Variants in C11orf65 observed in about 807,000 individuals in gnomAD.
C11orf65 encodes the protein chromosome 11 open reading frame 65, also known as protein MFI.
C11orf65 carries 38 observed loss-of-function variants against 35.3 expected under a neutral mutation model. The ratio of observed to expected loss-of-function variants is 1.08; its 90% confidence interval spans 0.83 to 1.41. The LOEUF (loss-of-function observed/expected upper bound fraction) is 1.41, where lower values mean the gene tolerates loss of function less well. Among genes scored for constraint, C11orf65 ranks in the 40% most tolerant of loss-of-function variants. The pLI is 0.00. For synonymous variants in C11orf65, 105 were observed against 114.4 expected, an observed-to-expected ratio of 0.92 and a Z score of 0.53; for missense variants, 370 against 367.1, an observed-to-expected ratio of 1.01 and a Z score of -0.06.
downstream of C11orf65, among the ~76,000 whole-genome samples, chr11:108,381,614 C>A (rs184079948): frequency 6.6e-6 from 1 of 152,074 alleles, no homozygotes. Context: ...TTTCTAATTT[C>A]TCTAATTTCT....
intron 6 of C11orf65, among the ~76,000 whole-genome samples, chr11:108,325,817 A>C (rs2085617717): frequency 6.6e-6 from 1 of 152,204 alleles, no homozygotes; most frequent in Non-Finnish European, 1.5e-5. Flanking sequence ...CAGTGATTTT[A>C]TATACTGTGT....
chr11:108,421,477 G>A (rs1244206640), intron 3 of C11orf65, among the ~76,000 whole-genome samples: 1 of 152,122 alleles, frequency 6.6e-6, no homozygotes, highest in African/African-American at 2.4e-5. Context: ...CCAACATGGT[G>A]AAACCCTGTC....
chr11:108,360,338 T>C (rs1349534887), intron 2 of C11orf65, among the ~76,000 whole-genome samples: 1 of 151,816 alleles, frequency 6.6e-6, no homozygotes, highest in Admixed American at 6.6e-5. Flanking sequence ...CAGGACCAGA[T>C]GGATTCACAG....
intron 2 of C11orf65, among the ~76,000 whole-genome samples, chr11:108,376,668 T>A (rs983217379): frequency 2.1e-4 from 32 of 151,846 alleles, no homozygotes; most frequent in Non-Finnish European, 3.5e-4. Flanking sequence ...AAAAAACCGT[T>A]CAAAAAATTA....
intron 2 of C11orf65, chr11:108,343,428 C>T: frequency 6.3e-7 from 1 of 1,590,598 alleles, no homozygotes; most frequent in Non-Finnish European, 8.6e-7. Flanking sequence ...CTTATTAAAG[C>T]TGACAGCTGT....
At position 108,316,079 on chromosome 11, in the gene C11orf65, TC is replaced by T; in HGVS notation, c.641-7009del. 6.2e-7 allele frequency: 1 copy of T among 1,614,100 alleles called. No individual in the cohort carries two copies. Among genetic ancestry groups the T allele is most frequent in the Non-Finnish European group, 8.5e-7 (1 of 1,180,002 alleles). On this transcript the variant is annotated intron_variant, in intron 6 of 6. Coordinates refer to the C11orf65 transcript ENST00000525729. ...GTAACATATGACCTCGAAACAGCAA[TC>T]CCCTCATCAACACGCCAGGCAGGAA... is the stretch of plus-strand genomic sequence containing the variant.
At chr11:108,329,407 T>C (rs746817871), downstream of C11orf65, 3 of 662,506 alleles carry the variant, frequency 4.5e-6, no homozygotes, top group African/African-American at 5.5e-5. Flanking sequence ...TCGGTTTTTG[T>C]TTTTTGTTTT....
rs551240118 is a variant in C11orf65 at position 108,389,178 on chromosome 11, T to C, written c.732-3203A>G. On this transcript the variant is annotated intron_variant, in intron 7 of 8. Transcript: ENST00000393084. Reference sequence around the variant, plus strand: ...ACCAATTCTCTAGAGGGGACAAATGTCAGACTTTTAAATTTTCATCAAACA... The same window carrying C: ...ACCAATTCTCTAGAGGGGACAAATGCCAGACTTTTAAATTTTCATCAAACA... 2.0e-5 allele frequency among the ~76,000 whole-genome samples: 3 copies of C among 152,368 alleles called. No homozygotes were observed. In the South Asian group the frequency reaches 6.2e-4, roughly 32 times the overall value.
intron 2 of C11orf65, among the ~76,000 whole-genome samples, chr11:108,359,701 A>G (rs1431682856): frequency 3.3e-5 from 5 of 152,198 alleles, no homozygotes; most frequent in Admixed American, 2.0e-4. Context: ...TGACTACTGG[A>G]TACATAATGA....
chr11:108,318,090 G>T (rs1256104904), intron 6 of C11orf65, among the ~76,000 whole-genome samples: 1 of 152,068 alleles, frequency 6.6e-6, no homozygotes, highest in Non-Finnish European at 1.5e-5. Context: ...GGCCAGGCAC[G>T]GTGGCTCATG....
chr11:108,403,871 C>T (rs954029668), intron 6 of C11orf65, among the ~76,000 whole-genome samples: 6 of 152,124 alleles, frequency 3.9e-5, no homozygotes, highest in South Asian at 2.1e-4. Context: ...CTGGATAGTG[C>T]GAGGATAGCA....
chr11:108,403,425 T>G (rs1472169093), intron 6 of C11orf65, among the ~76,000 whole-genome samples: 1 of 150,122 alleles, frequency 6.7e-6, no homozygotes, highest in South Asian at 2.1e-4. Flanking sequence ...TTTTTGTTTT[T>G]TTTTTTTTTA....
chr11:108,415,986 A>T (rs191384311), intron 3 of C11orf65, among the ~76,000 whole-genome samples: 2 of 152,348 alleles, frequency 1.3e-5, no homozygotes, highest in Admixed American at 1.3e-4. Flanking sequence ...CTGGATCATA[A>T]CTTAAATGTA....
In C11orf65 at chr11:108,334,202, T is replaced by C. The variant is rs527325769; in HGVS notation, c.299+1018A>G. ...TGTTCTACACCTCCCATCTTTCTTA[T>C]GAAGGTCTATAGACTGTTACTTTCA... On this transcript the variant is annotated intron_variant, in intron 3 of 3. Coordinates refer to the C11orf65 transcript ENST00000524755. Among the ~76,000 whole-genome samples, 189 of 125,348 alleles carry C rather than the reference T, an allele frequency of 1.5e-3. 1 individual carries two copies. The highest frequency in any genetic ancestry group is 2.7e-3 in the Non-Finnish European group (153 of 56,156). The allele number at this position is 125,348 out of a possible 152,430, so 82.2% of individuals were successfully genotyped here.
intron 2 of C11orf65, chr11:108,365,017 ACTGTTT>A (rs2091184206): frequency 1.5e-5 from 24 of 1,567,610 alleles, no homozygotes; most frequent in Admixed American, 3.5e-5. Flanking sequence ...TACTGGTTCT[ACTGTTT>A]CTAAGTATGT....
chr11:108,411,156 T>C (rs2092649258), intron 3 of C11orf65, among the ~76,000 whole-genome samples: 1 of 152,216 alleles, frequency 6.6e-6, no homozygotes. Flanking sequence ...TTTAGATACA[T>C]TCCACATGTT....
chr11:108,362,546 A>G (rs1274311434), intron 2 of C11orf65, among the ~76,000 whole-genome samples: 1 of 149,472 alleles, frequency 6.7e-6, no homozygotes, highest in African/African-American at 2.5e-5. Context: ...CTTGGAACCA[A>G]CCCAAATGTC....
In C11orf65 at chr11:108,340,793, G is replaced by A. The variant is rs186817914; in HGVS notation, c.227-5501C>T. 6.8e-4 allele frequency among the ~76,000 whole-genome samples: 103 copies of A among 152,254 alleles called. 1 individual carries two copies. The highest frequency in any genetic ancestry group is 2.4e-3 in the African/African-American group (99 of 41,530). On this transcript the variant is annotated intron_variant, in intron 2 of 3. Transcript: ENST00000524755. ...ATATACAGTGGTGTATGAAGCATTT[G>A]CCTATAACCTATGAACCTCCTCCCA...
intron 6 of C11orf65, among the ~76,000 whole-genome samples, chr11:108,318,493 C>G (rs1438381008): frequency 1.3e-5 from 2 of 152,036 alleles, no homozygotes; most frequent in African/African-American, 2.4e-5. Flanking sequence ...AGTTTGAGAC[C>G]AGCCGGGCCA....
Sources: gnomAD v4.1 joint callset for allele counts (sites outside exome capture counted in the v4.1 genomes callset) on GRCh38, gnomAD v4.1.1 for gene constraint, MANE v1.5 for transcripts, NCBI Gene and HGNC (gene_info 2026-07-23, HGNC 2026-07-21) for gene names.